ZC4H2: variants seen among roughly 807,000 people sequenced by gnomAD.
ZC4H2 encodes the protein zinc finger C4H2-type containing.
For synonymous variants in ZC4H2, 84 were observed against 66.3 expected (o/e 1.27, Z -1.30); for missense variants, 137 against 173.9 (o/e 0.79, Z 1.19).
chrX:65,006,871 G>A (rs1932672616), intron 1 of ZC4H2, among the ~76,000 whole-genome samples: 1 of 112,059 alleles, frequency 8.9e-6, no homozygotes, highest in Admixed American at 9.4e-5. Context: ...GTACCTACTA[G>A]CTTTGTCTCC....
chrX:65,000,814 A>G (rs774656378), intron 1 of ZC4H2, among the ~76,000 whole-genome samples: 4 of 112,215 alleles, frequency 3.6e-5, no homozygotes, highest in Non-Finnish European at 7.5e-5. Flanking sequence ...AGCTGAATTG[A>G]TCAGCAGAAT....
At chrX:65,034,402 C>T (rs1932980631) in intron 1 of ZC4H2, among the ~76,000 whole-genome samples, 1 of 111,773 alleles carries the variant, frequency 8.9e-6, no homozygotes, top group African/African-American at 3.3e-5. Context: ...ATTACCCTGG[C>T]AGCCCTTGTG....
chrX:64,948,026 G>A (rs776897987), intron 1 of ZC4H2, among the ~76,000 whole-genome samples: 1 of 111,129 alleles, frequency 9.0e-6, no homozygotes, highest in Non-Finnish European at 1.9e-5. Flanking sequence ...GGCATCTGAA[G>A]TAGAACTTTT....
intron 1 of ZC4H2, among the ~76,000 whole-genome samples, chrX:64,965,135 C>A (rs1345803619): frequency 8.9e-6 from 1 of 111,780 alleles, no homozygotes; most frequent in Non-Finnish European, 1.9e-5. Context: ...CAACAAAATC[C>A]TATTAAAATC....
intron 1 of ZC4H2, among the ~76,000 whole-genome samples, chrX:64,941,869 C>T (rs1020806827): frequency 1.8e-5 from 2 of 112,168 alleles, no homozygotes; most frequent in African/African-American, 6.5e-5. Context: ...TGTTGTGTCT[C>T]TGCCAGGATT....
intron 1 of ZC4H2, among the ~76,000 whole-genome samples, chrX:64,927,135 CT>C (rs971450996): frequency 6.3e-5 from 7 of 110,653 alleles, no homozygotes; most frequent in East Asian, 2.8e-4. Flanking sequence ...ATTTTTCTTT[CT>C]TTTTTTTATT....
intron 1 of ZC4H2, among the ~76,000 whole-genome samples, chrX:65,032,935 C>T (rs759735977): frequency 1.7e-4 from 19 of 111,300 alleles, no homozygotes; most frequent in Non-Finnish European, 3.4e-4. Flanking sequence ...TGCCACCACG[C>T]CTGGCTAATT....
chrX:64,976,220 C>T (rs1213046144), intron 1 of ZC4H2, 105 bp downstream of exon 1: 3 of 941,523 alleles, frequency 3.2e-6, no homozygotes, highest in Admixed American at 2.2e-5. Context: ...GGTGAATGGG[C>T]CCCTTTCCAG....
intron 1 of ZC4H2, among the ~76,000 whole-genome samples, chrX:65,029,442 C>A (rs1044182240): frequency 1.1e-4 from 12 of 111,469 alleles, no homozygotes; most frequent in African/African-American, 2.6e-4. Flanking sequence ...ACTTTTGAGA[C>A]CTCTGGGTGA....
intron 1 of ZC4H2, among the ~76,000 whole-genome samples, chrX:64,974,599 G>T (rs1307202224): frequency 8.9e-6 from 1 of 111,749 alleles, no homozygotes; most frequent in East Asian, 2.8e-4. Flanking sequence ...ACTGTCTCTT[G>T]ACATCCAGTT....
At chrX:64,922,215 A>T in intron 1 of ZC4H2, 1 of 687,167 alleles carries the variant, frequency 1.5e-6, no homozygotes, top group South Asian at 5.6e-5. Flanking sequence ...GTTTGAAACC[A>T]GCATGGGCAA....
chrX:65,020,250 T>G (rs1388512741), intron 1 of ZC4H2, among the ~76,000 whole-genome samples: 1 of 110,256 alleles, frequency 9.1e-6, no homozygotes, highest in Non-Finnish European at 1.9e-5. Context: ...TTCACTAAGG[T>G]TGAAATGAAA....
intron 1 of ZC4H2, among the ~76,000 whole-genome samples, chrX:64,998,224 C>A (rs1370577109): frequency 1.8e-5 from 2 of 111,742 alleles, no homozygotes; most frequent in South Asian, 7.5e-4. Flanking sequence ...CAGAGATTGG[C>A]AGAATGTATT....
intron 1 of ZC4H2, among the ~76,000 whole-genome samples, chrX:65,020,594 A>G (rs952041466): frequency 2.7e-5 from 3 of 112,201 alleles, no homozygotes; most frequent in Admixed American, 9.5e-5. Context: ...ACCAAATTGT[A>G]AAGACCATTG....
intron 1 of ZC4H2, among the ~76,000 whole-genome samples, chrX:65,031,446 A>G (rs760164524): frequency 2.7e-4 from 30 of 111,300 alleles, no homozygotes; most frequent in African/African-American, 8.8e-4. Flanking sequence ...TTGATTTACT[A>G]GGTGCATCTA....
intron 1 of ZC4H2, among the ~76,000 whole-genome samples, chrX:64,948,195 G>C (rs1270174375): frequency 9.0e-6 from 1 of 111,026 alleles, no homozygotes; most frequent in Non-Finnish European, 1.9e-5. Flanking sequence ...TTCTTTGGGC[G>C]AATTTCTCAT....
intron 1 of ZC4H2, among the ~76,000 whole-genome samples, chrX:64,942,618 G>C (rs1252903859): frequency 2.7e-5 from 3 of 110,077 alleles, no homozygotes; most frequent in Non-Finnish European, 5.7e-5. Context: ...TGCTGAGAAT[G>C]ATGGTTTTCA....
At chrX:64,983,618 A>G (rs1461925187) in intron 1 of ZC4H2, among the ~76,000 whole-genome samples, 2 of 112,221 alleles carry the variant, frequency 1.8e-5, no homozygotes, top group East Asian at 5.6e-4. Flanking sequence ...TAAATTTACT[A>G]TATACACTGA....
chrX:65,010,533 TC>T (rs1932741386), intron 1 of ZC4H2, among the ~76,000 whole-genome samples: 2 of 111,783 alleles, frequency 1.8e-5, no homozygotes, highest in Admixed American at 1.9e-4. Flanking sequence ...GGGATTCCAC[TC>T]CTATTGAAGC....
Sources: allele counts gnomAD v4.1 joint callset (sites outside exome capture counted in the v4.1 genomes callset), GRCh38; gene constraint gnomAD v4.1.1; transcripts MANE v1.5; gene names NCBI Gene and HGNC (gene_info 2026-07-23, HGNC 2026-07-21).